OTOP1: variants seen among roughly 807,000 people sequenced by gnomAD.
The protein encoded by OTOP1 is proton channel OTOP1.
OTOP1 carries 59 observed loss-of-function variants against 52.9 expected under a neutral mutation model. The ratio of observed to expected loss-of-function variants is 1.12; its 90% confidence interval spans 0.91 to 1.39. The LOEUF is 1.39. Ranked by LOEUF, OTOP1 falls within the 40% of genes most tolerant of loss-of-function variation. The pLI, the probability that OTOP1 is intolerant of heterozygous loss-of-function variation, is 0.00. For missense variants in OTOP1, 761 were observed against 800.9 expected, an observed-to-expected ratio of 0.95 and a Z score of 0.60; for synonymous variants, 317 against 337.7, an observed-to-expected ratio of 0.94 and a Z score of 0.67.
chr4:4,222,989 G>A (rs1484461172), intron 1 of OTOP1, among the ~76,000 whole-genome samples: 3 of 152,174 alleles, frequency 2.0e-5, no homozygotes, highest in Non-Finnish European at 4.4e-5. Flanking sequence ...TTACTGATGA[G>A]GAAAGCAGGA....
At chr4:4,189,368 T>C (rs2916405) in intron 5 of OTOP1, among the ~76,000 whole-genome samples, 107,335 of 152,170 alleles carry the variant, frequency 0.71, 38,300 homozygotes, top group South Asian at 0.81. Context: ...GTTTGTGTTG[T>C]TCACGGAACC....
At chr4:4,212,098 T>C (rs998646255) in intron 2 of OTOP1, among the ~76,000 whole-genome samples, 2 of 152,118 alleles carry the variant, frequency 1.3e-5, no homozygotes, top group African/African-American at 4.8e-5. Context: ...CTTAAACATA[T>C]ACATAAAAAA....
intron 3 of OTOP1, among the ~76,000 whole-genome samples, chr4:4,205,392 C>T (rs765382664): frequency 2.0e-5 from 3 of 152,282 alleles, no homozygotes; most frequent in East Asian, 1.9e-4. Context: ...GGCAGGATGG[C>T]GATTCACAAA....
chr4:4,204,927 C>T (rs1716866625), intron 3 of OTOP1, among the ~76,000 whole-genome samples: 1 of 152,082 alleles, frequency 6.6e-6, no homozygotes, highest in Non-Finnish European at 1.5e-5. Context: ...CCCACCACCA[C>T]ACACAGCTAA....
At chr4:4,200,121 T>C (rs535583898) in intron 4 of OTOP1, among the ~76,000 whole-genome samples, 17 of 152,366 alleles carry the variant, frequency 1.1e-4, no homozygotes, top group Non-Finnish European at 2.1e-4. Context: ...TTTACTGCAT[T>C]TCTGGGTAAG....
At chr4:4,208,566 T>A (rs1329913095) in intron 2 of OTOP1, among the ~76,000 whole-genome samples, 1 of 152,156 alleles carries the variant, frequency 6.6e-6, no homozygotes. Flanking sequence ...ATGAGGCATC[T>A]AGAATATTCA....
chr4:4,190,627 A>G (rs1306516216), intron 5 of OTOP1, among the ~76,000 whole-genome samples: 1 of 152,218 alleles, frequency 6.6e-6, no homozygotes, highest in Non-Finnish European at 1.5e-5. Flanking sequence ...TAAGTAATCT[A>G]GAGATGTCTT....
chr4:4,197,232 TA>T lies in OTOP1; in HGVS notation c.1601del (p.Leu534TyrfsTer10). The T allele has an allele frequency of 6.2e-7, 1 of 1,614,140 alleles. No homozygotes were observed. Among genetic ancestry groups the T allele is most frequent in the Non-Finnish European group, 8.5e-7 (1 of 1,180,028 alleles). The stretch of plus-strand genomic sequence containing the variant: ...GGACTTTTCTCTTGGCGTTGCCCTG[TA>T]AGAAACGGGGAAGGCGGACTGGGCT... ...SPSPVRLPRF[L>X]QGNAKRKVLR... On this transcript the variant is annotated frameshift_variant, in exon 5 of 6. Transcript: ENST00000296358. LOFTEE classifies it high-confidence loss of function.
At chr4:4,206,438 T>C (rs2108800837) in intron 2 of OTOP1, among the ~76,000 whole-genome samples, 1 of 152,326 alleles carries the variant, frequency 6.6e-6, no homozygotes, top group African/African-American at 2.4e-5. Flanking sequence ...ATGGAAGTAG[T>C]AGCCTGCTTG....
At chr4:4,192,535 A>G (rs2980113) in intron 5 of OTOP1, among the ~76,000 whole-genome samples, 97,502 of 152,068 alleles carry the variant, frequency 0.64, 31,742 homozygotes, top group African/African-American at 0.74. Flanking sequence ...TACTGGGTTC[A>G]TCCATTTGGA....
intron 1 of OTOP1, 70 bp downstream of exon 1, chr4:4,226,392 G>T (rs1270608384): frequency 1.5e-6 from 2 of 1,331,758 alleles, no homozygotes; most frequent in Non-Finnish European, 1.9e-6. Context: ...TAGGAAGGGC[G>T]CAGAGCAGCC....
chr4:4,213,002 T>C lies in OTOP1; in HGVS notation c.406A>G (p.Ser136Gly), dbSNP rs1427574173. The C allele has an allele frequency of 1.9e-6, 3 of 1,613,474 alleles. No homozygotes were observed. Among genetic ancestry groups the C allele is most frequent in the Non-Finnish European group, 2.5e-6 (3 of 1,179,382 alleles). ...THAGAGWLRG[S>G]ITLFAVITVI... ...GTAATGACTGCAAACAATGTGATAC[T>C]ACCTAAATGTGGGATGAAGGGGGAA... Residue 136 changes from serine (S) to glycine (G), a missense_variant and splice_region_variant, in exon 2 of 6, where the codon AGT becomes GGT. Around this residue, in one of 3 missense-constraint regions of OTOP1, gnomAD observed 632 missense variants for 619.5 expected, o/e 1.02. Transcript: ENST00000296358.
At chr4:4,213,788 C>A (rs1446134238) in intron 1 of OTOP1, among the ~76,000 whole-genome samples, 1 of 152,010 alleles carries the variant, frequency 6.6e-6, no homozygotes, top group Non-Finnish European at 1.5e-5. Flanking sequence ...GTAGAGAATT[C>A]TTATATATTA....
chr4:4,223,621 C>T (rs376346979), intron 1 of OTOP1, among the ~76,000 whole-genome samples: 5 of 152,072 alleles, frequency 3.3e-5, no homozygotes, highest in East Asian at 3.8e-4. Context: ...TGCACCAGGC[C>T]GGGCGTGGTG....
Position 4,197,445 on chromosome 4 carries a change from C to A in OTOP1, c.1389G>T (p.Val463=). ...TGGTGTTGCCATTGCAGACTGTGAC[C>A]ACCCGAAGGGTTTGGATGTCCTCAG... is the stretch of plus-strand genomic sequence containing the variant. The part of the protein sequence containing the change: ...KLSEDIQTLR[V]VTVCNGNTMP... Residue 463 remains valine, a synonymous_variant, in exon 5 of 6, where the codon GTG becomes GTT. Coordinates refer to ENST00000296358, the MANE Select transcript of OTOP1 (RefSeq NM_177998.3). The A allele has an allele frequency of 6.2e-7, 1 of 1,614,030 alleles. No individual in the cohort carries two copies. Among genetic ancestry groups the A allele is most frequent in the Admixed American group, 1.7e-5 (1 of 60,014 alleles).
intron 5 of OTOP1, among the ~76,000 whole-genome samples, chr4:4,196,187 G>A (rs1393740023): frequency 2.0e-5 from 3 of 152,188 alleles, no homozygotes; most frequent in African/African-American, 7.2e-5. Flanking sequence ...GGGAGGCTGA[G>A]GCAGGAGGAT....
chr4:4,206,903 T>C (rs1367230140), intron 2 of OTOP1, among the ~76,000 whole-genome samples: 1 of 152,214 alleles, frequency 6.6e-6, no homozygotes, highest in East Asian at 1.9e-4. Flanking sequence ...TTTACTGAAA[T>C]TGTCTGAGCT....
intron 3 of OTOP1, among the ~76,000 whole-genome samples, chr4:4,205,604 C>A (rs1577179558): frequency 6.6e-6 from 1 of 152,178 alleles, no homozygotes; most frequent in South Asian, 2.1e-4. Context: ...AGCAAGGCCC[C>A]TAAACCACTG....
At chr4:4,209,641 T>C (rs1716982065) in intron 2 of OTOP1, among the ~76,000 whole-genome samples, 1 of 152,202 alleles carries the variant, frequency 6.6e-6, no homozygotes, top group Non-Finnish European at 1.5e-5. Flanking sequence ...GTGCTTTTCA[T>C]ACATCTGTGC....
Sources: gnomAD v4.1 joint callset for allele counts (sites outside exome capture counted in the v4.1 genomes callset) on GRCh38, gnomAD v4.1.1 for gene constraint, gnomAD v4.1.1 regional missense constraint, MANE v1.5 for transcripts, NCBI Gene and HGNC (gene_info 2026-07-23, HGNC 2026-07-21) for gene names.